Variants in RCAN2 observed in about 807,000 individuals in gnomAD.
RCAN2 encodes calcipressin-2.
In RCAN2, 9 loss-of-function variants were observed where a neutral mutation model predicts 23.6. The observed-to-expected ratio is 0.38, with a 90% CI of 0.23 to 0.67. The LOEUF is 0.67. Ranked by LOEUF, RCAN2 falls within the 30% of genes least tolerant of loss-of-function variation. The probability of loss-of-function intolerance (pLI) is 0.51; values close to 1 mark genes in which losing one functional copy is unlikely to be tolerated. For missense variants in RCAN2, 273 were observed against 302.3 expected (o/e 0.90, Z 0.72); for synonymous variants, 109 against 115.7 (o/e 0.94, Z 0.37).
chr6:46,274,554 G>T (rs1227102938), intron 2 of RCAN2, among the ~76,000 whole-genome samples: 1 of 152,184 alleles, frequency 6.6e-6, no homozygotes, highest in African/African-American at 2.4e-5. Flanking sequence ...CCCCATCTTG[G>T]TCACAACCTT....
intron 2 of RCAN2, among the ~76,000 whole-genome samples, chr6:46,299,409 T>C (rs1461287217): frequency 2.0e-5 from 3 of 152,030 alleles, no homozygotes. Context: ...TCAGCAGAGA[T>C]GACTGATTTA....
chr6:46,240,968 C>T (rs774941140), intron 4 of RCAN2, among the ~76,000 whole-genome samples: 6 of 152,122 alleles, frequency 3.9e-5, no homozygotes, highest in Admixed American at 6.5e-5. Context: ...ATTGATCTTC[C>T]TAACAAGAGC....
intron 2 of RCAN2, among the ~76,000 whole-genome samples, chr6:46,386,410 C>A (rs1363206627): frequency 1.3e-5 from 2 of 151,342 alleles, no homozygotes; most frequent in African/African-American, 2.4e-5. Context: ...ACAAGCCTGG[C>A]CAACATGGCA....
At chr6:46,248,977 A>G in intron 2 of RCAN2, 81 bp from the exon 3 acceptor site, 3 of 980,152 alleles carry the variant, frequency 3.1e-6, no homozygotes, top group Non-Finnish European at 4.4e-6. Flanking sequence ...AAAACAAACA[A>G]CTAAATAAAT....
chr6:46,460,115 T>C (rs541450622), intron 1 of RCAN2, among the ~76,000 whole-genome samples: 1 of 151,972 alleles, frequency 6.6e-6, no homozygotes, highest in Non-Finnish European at 1.5e-5. Flanking sequence ...TGGAGTGCAG[T>C]AGCACAATCA....
chr6:46,266,264 C>A (rs1767324193), intron 2 of RCAN2, among the ~76,000 whole-genome samples: 1 of 152,170 alleles, frequency 6.6e-6, no homozygotes, highest in African/African-American at 2.4e-5. Flanking sequence ...CAGTACTGTT[C>A]TTGGGTGTTA....
intron 2 of RCAN2, among the ~76,000 whole-genome samples, chr6:46,451,019 T>C (rs1168186594): frequency 6.6e-6 from 1 of 152,096 alleles, no homozygotes; most frequent in African/African-American, 2.4e-5. Flanking sequence ...ATACATCATA[T>C]TGTATACAAT....
At chr6:46,442,285 G>C (rs1281938730) in intron 2 of RCAN2, among the ~76,000 whole-genome samples, 1 of 152,174 alleles carries the variant, frequency 6.6e-6, no homozygotes, top group Non-Finnish European at 1.5e-5. Flanking sequence ...AAAATTTGAA[G>C]TACTTTGAAA....
chr6:46,278,408 A>C (rs187617400), intron 2 of RCAN2, among the ~76,000 whole-genome samples: 33 of 151,900 alleles, frequency 2.2e-4, no homozygotes, highest in Admixed American at 5.9e-4. Context: ...CACAAAAAAA[A>C]CCCACACACT....
chr6:46,302,273 G>T (rs923231087), intron 2 of RCAN2, among the ~76,000 whole-genome samples: 3 of 152,036 alleles, frequency 2.0e-5, no homozygotes, highest in Admixed American at 1.3e-4. Context: ...GCTGACTTTG[G>T]GGGCAGGAGG....
At chr6:46,266,787 G>A (rs1249777169) in intron 2 of RCAN2, among the ~76,000 whole-genome samples, 2 of 152,120 alleles carry the variant, frequency 1.3e-5, no homozygotes, top group Non-Finnish European at 2.9e-5. Context: ...CACTGGAGGC[G>A]ACTGATTCCA....
chr6:46,423,724 T>A (rs1766955545), intron 2 of RCAN2, among the ~76,000 whole-genome samples: 1 of 152,252 alleles, frequency 6.6e-6, no homozygotes, highest in Non-Finnish European at 1.5e-5. Flanking sequence ...CTTAGATAGT[T>A]ACAATTTTTG....
At chr6:46,288,875 G>C (rs1303891738) in intron 2 of RCAN2, among the ~76,000 whole-genome samples, 1 of 152,254 alleles carries the variant, frequency 6.6e-6, no homozygotes, top group Non-Finnish European at 1.5e-5. Flanking sequence ...ACAGTGCCTA[G>C]TACAACACCC....
chr6:46,442,244 C>T (rs1411454274), intron 2 of RCAN2, among the ~76,000 whole-genome samples: 1 of 152,338 alleles, frequency 6.6e-6, no homozygotes, highest in South Asian at 2.1e-4. Flanking sequence ...GGCAACAGAA[C>T]TCAAGAGTTA....
intron 2 of RCAN2, among the ~76,000 whole-genome samples, chr6:46,323,021 G>A (rs1456086642): frequency 6.6e-6 from 1 of 152,170 alleles, no homozygotes; most frequent in Non-Finnish European, 1.5e-5. Context: ...CTTTACATTA[G>A]ATGATTAAAT....
At chr6:46,310,957 AG>A (rs1257275836) in intron 2 of RCAN2, among the ~76,000 whole-genome samples, 2 of 152,218 alleles carry the variant, frequency 1.3e-5, no homozygotes, top group African/African-American at 4.8e-5. Context: ...GTAGAACTTA[AG>A]GTATTTTCAA....
intron 2 of RCAN2, among the ~76,000 whole-genome samples, chr6:46,263,295 A>G (rs907464775): frequency 2.0e-5 from 3 of 152,156 alleles, no homozygotes; most frequent in Non-Finnish European, 4.4e-5. Flanking sequence ...ATGTAATGAA[A>G]CAGGGATGCC....
At chr6:46,449,214 C>T (rs949799883) in intron 2 of RCAN2, among the ~76,000 whole-genome samples, 2 of 151,266 alleles carry the variant, frequency 1.3e-5, no homozygotes, top group African/African-American at 4.8e-5. Context: ...ATTAAGAAAA[C>T]CAACCAAATT....
At chr6:46,461,534 G>A (rs1420874908) in intron 1 of RCAN2, among the ~76,000 whole-genome samples, 1 of 151,736 alleles carries the variant, frequency 6.6e-6, no homozygotes, top group Non-Finnish European at 1.5e-5. Flanking sequence ...CTTCATGCCA[G>A]TCTCAAGCTG....
Sources: allele counts gnomAD v4.1 joint callset (sites outside exome capture counted in the v4.1 genomes callset), GRCh38; gene constraint gnomAD v4.1.1; transcripts MANE v1.5; gene names NCBI Gene and HGNC (gene_info 2026-07-23, HGNC 2026-07-21).